RPS6KC1: variants seen among roughly 807,000 people sequenced by gnomAD.
RPS6KC1 encodes the protein inactive ribosomal protein S6 kinase delta-1.
Under a neutral mutation model 103.8 loss-of-function variants are expected in RPS6KC1, and 54 were observed. That is an observed-to-expected ratio of 0.52 (90% CI 0.42 to 0.65). The LOEUF (loss-of-function observed/expected upper bound fraction) is 0.65, where lower values mean the gene tolerates loss of function less well. RPS6KC1 is among the 30% of genes least tolerant of loss of function. The pLI, the probability that RPS6KC1 is intolerant of heterozygous loss-of-function variation, is 0.00. For missense variants in RPS6KC1, 1,151 were observed against 1,253.8 expected, an observed-to-expected ratio of 0.92 and a Z score of 1.24; for synonymous variants, 439 against 438.7, an observed-to-expected ratio of 1.00 and a Z score of -0.01.
chr1:213,491,582 G>A, the RPS6KC1 span, among the ~76,000 whole-genome samples: 3 of 151,536 alleles, frequency 2.0e-5, no homozygotes, highest in South Asian at 6.2e-4. Context: ...GCTTTAATGG[G>A]GCACCTGAGT....
chr1:213,485,087 A>C, the RPS6KC1 span, among the ~76,000 whole-genome samples: 1 of 152,210 alleles, frequency 6.6e-6, no homozygotes, highest in Non-Finnish European at 1.5e-5. Context: ...GCTGGTCTTG[A>C]ACTCCTGGGC....
At chr1:213,311,893 C>CT in the RPS6KC1 span, among the ~76,000 whole-genome samples, 1,947 of 127,338 alleles carry the variant, frequency 0.015, 39 homozygotes, top group South Asian at 0.053. Flanking sequence ...TCAGGAGGAT[C>CT]TTTTTTTTTT....
chr1:213,322,260 C>G, the RPS6KC1 span, among the ~76,000 whole-genome samples: 1 of 152,114 alleles, frequency 6.6e-6, no homozygotes, highest in Non-Finnish European at 1.5e-5. Context: ...GATCTGCACT[C>G]TAGCCTGGGT....
chr1:213,363,142 C>G, the RPS6KC1 span, among the ~76,000 whole-genome samples: 21 of 152,154 alleles, frequency 1.4e-4, no homozygotes, highest in Non-Finnish European at 2.2e-4. Flanking sequence ...ATTTCTTGGC[C>G]TCATCTACCC....
At chr1:213,336,596 T>A in the RPS6KC1 span, among the ~76,000 whole-genome samples, 7 of 152,212 alleles carry the variant, frequency 4.6e-5, no homozygotes, top group African/African-American at 1.7e-4. Flanking sequence ...TATATATTCA[T>A]AAAGTGTGAT....
the RPS6KC1 span, among the ~76,000 whole-genome samples, chr1:213,735,100 G>A: frequency 1.3e-5 from 2 of 152,046 alleles, no homozygotes; most frequent in Admixed American, 1.3e-4. Context: ...ATTTTTTGTA[G>A]TTTTAGTAGA....
chr1:213,169,028 A>C (rs1338505113), intron 7 of RPS6KC1, among the ~76,000 whole-genome samples: 1 of 151,992 alleles, frequency 6.6e-6, no homozygotes, highest in East Asian at 1.9e-4. Context: ...GAATATAGTA[A>C]TTTTTTGCTG....
the RPS6KC1 span, among the ~76,000 whole-genome samples, chr1:213,833,225 A>G: frequency 0.22 from 33,310 of 152,108 alleles, 4,663 homozygotes; most frequent in African/African-American, 0.37. Context: ...AACACAGCAG[A>G]CCTTCCTATC....
chr1:213,467,982 AG>A, the RPS6KC1 span, among the ~76,000 whole-genome samples: 1 of 152,238 alleles, frequency 6.6e-6, no homozygotes, highest in Non-Finnish European at 1.5e-5. Context: ...ACAATTACGA[AG>A]AAAAAGAACA....
At chr1:213,398,446 C>G in the RPS6KC1 span, among the ~76,000 whole-genome samples, 1 of 152,054 alleles carries the variant, frequency 6.6e-6, no homozygotes, top group Non-Finnish European at 1.5e-5. Context: ...AAATATGGCA[C>G]CACCTATCTA....
At chr1:213,486,354 G>A in the RPS6KC1 span, among the ~76,000 whole-genome samples, 1 of 152,056 alleles carries the variant, frequency 6.6e-6, no homozygotes, top group Non-Finnish European at 1.5e-5. Context: ...AATTTATTAA[G>A]ACTTTGGAGA....
chr1:213,051,726 T>G (rs1007959624), intron 1 of RPS6KC1, among the ~76,000 whole-genome samples: 1 of 151,892 alleles, frequency 6.6e-6, no homozygotes, highest in Non-Finnish European at 1.5e-5. Flanking sequence ...CGTGGTAGAG[T>G]CCTCTTTCTG....
the RPS6KC1 span, among the ~76,000 whole-genome samples, chr1:213,727,013 G>A: frequency 6.6e-6 from 1 of 152,192 alleles, no homozygotes; most frequent in Non-Finnish European, 1.5e-5. Context: ...GCCATGGGGC[G>A]GCTAAAGGGC....
the RPS6KC1 span, among the ~76,000 whole-genome samples, chr1:213,602,194 C>CTTTCTTTCTTTT: frequency 1.6e-4 from 12 of 75,204 alleles, no homozygotes; most frequent in African/African-American, 6.2e-4. Flanking sequence ...TTCTTTTTCC[C>CTTTCTTTCTTTT]TCCCTCCCTC....
At chr1:213,258,056 A>G (rs888065991) in intron 12 of RPS6KC1, among the ~76,000 whole-genome samples, 1 of 152,060 alleles carries the variant, frequency 6.6e-6, no homozygotes, top group Non-Finnish European at 1.5e-5. Context: ...ATCTCAGCTC[A>G]CTGCAACCTC....
the RPS6KC1 span, among the ~76,000 whole-genome samples, chr1:213,773,562 G>A: frequency 6.8e-6 from 1 of 146,048 alleles, no homozygotes; most frequent in South Asian, 2.1e-4. Flanking sequence ...TATATGTTAT[G>A]TATATGTATA....
intron 14 of RPS6KC1, among the ~76,000 whole-genome samples, chr1:213,269,630 A>G (rs1319436032): frequency 6.6e-6 from 1 of 152,230 alleles, no homozygotes; most frequent in Non-Finnish European, 1.5e-5. Context: ...AGAAATCAAC[A>G]AGAGGAGGAG....
At chr1:213,277,334 T>G (rs1573771800), downstream of RPS6KC1, among the ~76,000 whole-genome samples, 1 of 152,200 alleles carries the variant, frequency 6.6e-6, no homozygotes, top group Admixed American at 6.5e-5. Context: ...TGGTTTGGCC[T>G]TGTATTTTTG....
the RPS6KC1 span, among the ~76,000 whole-genome samples, chr1:213,604,801 A>G: frequency 6.6e-6 from 1 of 152,090 alleles, no homozygotes; most frequent in African/African-American, 2.4e-5. Flanking sequence ...GCCATTGGAG[A>G]CCTGGGAAAA....
Sources: gnomAD v4.1 joint callset for allele counts (sites outside exome capture counted in the v4.1 genomes callset) on GRCh38, gnomAD v4.1.1 for gene constraint, MANE v1.5 for transcripts, NCBI Gene and HGNC (gene_info 2026-07-23, HGNC 2026-07-21) for gene names.